The following BRIP1 variants were observed in gnomAD, a reference collection of about 807,000 sequenced individuals.
BRIP1 encodes Fanconi anemia group J protein.
A neutral mutation model predicts 119.7 loss-of-function variants in BRIP1; 88 were observed. The observed-to-expected ratio is 0.74, with a 90% CI of 0.62 to 0.88. The LOEUF (loss-of-function observed/expected upper bound fraction) is 0.88. Among genes scored for constraint, BRIP1 ranks in the 40% least tolerant of loss-of-function variants. BRIP1 has a pLI of 0.00. For synonymous variants in BRIP1, 443 were observed against 496.5 expected (o/e 0.89, Z 1.43); for missense variants, 1,259 against 1,455.4 (o/e 0.87, Z 2.20).
rs1567781239 is a variant in BRIP1 at position 61,744,477 on chromosome 17, A to G, written c.2212T>C (p.Leu738=). 1 of 1,613,960 alleles carries G rather than the reference A, an allele frequency of 6.2e-7. No individual in the cohort carries two copies. The highest frequency in any genetic ancestry group is 2.2e-5 in the East Asian group (1 of 44,832). The change falls in exon 15 of 20, where the codon TTA becomes CTA. Residue 738 remains leucine (L), a synonymous_variant. Transcript: ENST00000259008. The surrounding 1 kb of genome is among the most constrained non-coding windows in gnomAD (Gnocchi z 5.0). ...ATTGCGTCATAGTACACCTGCAGTA[A>G]TTCATCAAAATTTGTTTTTTCTCCT... ...QGGEKTNFDE[L]LQVYYDAIKY...
At position 61,699,020 on chromosome 17, in the gene BRIP1, A is replaced by C. The variant is rs2061571285; in HGVS notation, c.2493-5508T>G. Reference sequence around the variant, plus strand: ...GCAGAATGGCACTTTTATCATTATAAAATGTTAATTGTTTCTATTAACTTT... The same window carrying C: ...GCAGAATGGCACTTTTATCATTATACAATGTTAATTGTTTCTATTAACTTT... On this transcript the variant is annotated intron_variant, in intron 17 of 19. Coordinates refer to ENST00000259008, the MANE Select transcript of BRIP1 (RefSeq NM_032043.3). This position sits in a 1 kb window ranked among gnomAD's most constrained non-coding sequence, Gnocchi z 4.8. Among the ~76,000 whole-genome samples, 1 of 152,156 alleles carries C rather than the reference A, an allele frequency of 6.6e-6. No individual in the cohort carries two copies. The highest frequency in any genetic ancestry group is 6.6e-5 in the Admixed American group (1 of 15,254).
At position 61,778,046 on chromosome 17, in the gene BRIP1, C is replaced by G. The variant is rs575362578; in HGVS notation, c.1936-1484G>C. ...TTCTAAGGATTTTAGGAGTTGTATGCCAGGAAATGGAGTGGAAGACCAAAT... is the reference window on the plus strand; with the variant it reads ...TTCTAAGGATTTTAGGAGTTGTATGGCAGGAAATGGAGTGGAAGACCAAAT... On this transcript the variant is annotated intron_variant, in intron 13 of 19. Coordinates refer to ENST00000259008, the MANE Select transcript of BRIP1 (RefSeq NM_032043.3). The surrounding 1 kb of genome is among the most constrained non-coding windows in gnomAD (Gnocchi z 4.4). Among the ~76,000 whole-genome samples, 1 of 152,128 alleles carries G rather than the reference C, an allele frequency of 6.6e-6. No homozygotes were observed. Among genetic ancestry groups the G allele is most frequent in the South Asian group, 2.1e-4 (1 of 4,816 alleles).
chr17:61,833,587 C>T (rs982599498), intron 6 of BRIP1, among the ~76,000 whole-genome samples: 13 of 151,324 alleles, frequency 8.6e-5, no homozygotes, highest in Non-Finnish European at 1.3e-4. Context: ...AGGAGAATTG[C>T]TTGAACCCAG....
Position 61,699,025 on chromosome 17 carries a change from T to C in BRIP1, c.2493-5513A>G, listed in dbSNP as rs1423792647. Among the ~76,000 whole-genome samples, 4 of 152,182 alleles carry C rather than the reference T, an allele frequency of 2.6e-5. No homozygotes were observed. The highest frequency in any genetic ancestry group is 5.9e-5 in the Non-Finnish European group (4 of 68,030). On this transcript the variant is annotated intron_variant, in intron 17 of 19. Transcript: ENST00000259008. This position sits in a 1 kb window ranked among gnomAD's most constrained non-coding sequence, Gnocchi z 4.8. ...ATGGCACTTTTATCATTATAAAATG[T>C]TAATTGTTTCTATTAACTTTTTTTT...
rs986894753 is a variant in BRIP1 at position 61,742,656 on chromosome 17, T to C, written c.2379+357A>G. On this transcript the variant is annotated intron_variant, in intron 16 of 19. Transcript: ENST00000259008. This position sits in a 1 kb window ranked among gnomAD's most constrained non-coding sequence, Gnocchi z 4.7. ...TAGTCAGTGGAGCAGTTAGAATACA[T>C]ACATCACTTATGAATTACGTTTGCT... Among the ~76,000 whole-genome samples, 3 of 152,176 alleles carry C rather than the reference T, an allele frequency of 2.0e-5. No individual in the cohort carries two copies. Among genetic ancestry groups the C allele is most frequent in the African/African-American group, 4.8e-5 (2 of 41,432 alleles).
At position 61,700,825 on chromosome 17, in the gene BRIP1, T is replaced by C. The variant is rs1320331471; in HGVS notation, c.2493-7313A>G. On this transcript the variant is annotated intron_variant, in intron 17 of 19. Transcript: ENST00000259008. The surrounding 1 kb of genome is among the most constrained non-coding windows in gnomAD (Gnocchi z 4.1). ...GAGGTTTTACAGGTCTCTGAGATTA[T>C]GCTAGTTGTTCTTCATTCTTTTTCT... Among the ~76,000 whole-genome samples the C allele has an allele frequency of 6.6e-6, 1 of 152,226 alleles. No homozygotes were observed. Among genetic ancestry groups the C allele is most frequent in the Non-Finnish European group, 1.5e-5 (1 of 68,042 alleles).
In BRIP1 at chr17:61,789,175, G is replaced by A. The variant is rs2077778217; in HGVS notation, c.1473+4422C>T. The stretch of plus-strand genomic sequence containing the variant: ...CCAGCTACTGAGCAGGCTATGGCAG[G>A]AGGATCCCTTAAGACCAGAAATCCA... On this transcript the variant is annotated intron_variant, in intron 10 of 19. Transcript: ENST00000259008. The surrounding 1 kb of genome is among the most constrained non-coding windows in gnomAD (Gnocchi z 4.8). 6.6e-6 allele frequency among the ~76,000 whole-genome samples: 1 copy of A among 151,944 alleles called. No homozygotes were observed. Among genetic ancestry groups the A allele is most frequent in the Admixed American group, 6.6e-5 (1 of 15,244 alleles).
intron 10 of BRIP1, among the ~76,000 whole-genome samples, chr17:61,786,825 TATTTTATATA>T (rs1358376110): frequency 7.8e-6 from 1 of 127,994 alleles, no homozygotes; most frequent in Non-Finnish European, 1.6e-5. Flanking sequence ...TATATAAATA[TATTTTATATA>T]ATATATTTAT....
rs1282322696 is a variant in BRIP1 at position 61,757,297 on chromosome 17, C to T, written c.2098-12706G>A. ...CAGCTTCCTGTTTGGTGATATTTGA[C>T]TCAGCACTTTCACCTCAAGAGGCTG... On this transcript the variant is annotated intron_variant, in intron 14 of 19. Coordinates refer to ENST00000259008, the MANE Select transcript of BRIP1 (RefSeq NM_032043.3). The surrounding 1 kb of genome is among the most constrained non-coding windows in gnomAD (Gnocchi z 4.3). Among the ~76,000 whole-genome samples the T allele has an allele frequency of 6.6e-6, 1 of 152,156 alleles. No homozygotes were observed. The highest frequency in any genetic ancestry group is 1.5e-5 in the Non-Finnish European group (1 of 68,032).
chr17:61,698,864 G>A (rs1002465334), intron 17 of BRIP1, among the ~76,000 whole-genome samples: 3 of 151,758 alleles, frequency 2.0e-5, no homozygotes, highest in South Asian at 2.1e-4. Flanking sequence ...ATAGGCACAT[G>A]CCACTACACC....
intron 14 of BRIP1, among the ~76,000 whole-genome samples, chr17:61,766,560 C>T (rs957681228): frequency 1.2e-4 from 18 of 152,084 alleles, no homozygotes; most frequent in African/African-American, 3.1e-4. Context: ...AGGTTAAGTG[C>T]GGTACAGCTT....
At chr17:61,728,692 C>G (rs1343897862) in intron 16 of BRIP1, among the ~76,000 whole-genome samples, 3 of 152,116 alleles carry the variant, frequency 2.0e-5, no homozygotes, top group Non-Finnish European at 4.4e-5. Context: ...GGCAATCCAT[C>G]ACAGAAGACA....
In BRIP1 at chr17:61,739,352, G is replaced by C. The variant is rs2076958211; in HGVS notation, c.2379+3661C>G. The C allele has an allele frequency of 5.1e-6, 1 of 197,218 alleles. No homozygotes were observed. The highest frequency in any genetic ancestry group is 2.3e-5 in the African/African-American group (1 of 43,250). The allele number at this position is 197,218 out of a possible 1,614,324, so 12.2% of individuals were successfully genotyped here. A position where few individuals can be genotyped will look rare whatever the true frequency, so the allele number is the denominator to read the frequency against. On this transcript the variant is annotated intron_variant, in intron 16 of 19. Coordinates refer to ENST00000259008, the MANE Select transcript of BRIP1 (RefSeq NM_032043.3). This position sits in a 1 kb window ranked among gnomAD's most constrained non-coding sequence, Gnocchi z 6.0. ...AGTCAAGGCAGCATCAGCCATTTTAGAATAGGAGACCCAGCTTTGGGCATA... is the reference window on the plus strand; with the variant it reads ...AGTCAAGGCAGCATCAGCCATTTTACAATAGGAGACCCAGCTTTGGGCATA...
rs909733073 is a variant in BRIP1 at position 61,851,273 on chromosome 17, G to C, written c.380-2017C>G. On this transcript the variant is annotated intron_variant, in intron 4 of 19. Transcript: ENST00000259008. The surrounding 1 kb of genome is among the most constrained non-coding windows in gnomAD (Gnocchi z 4.6). ...ATGTTGCTTAAAATTTCCAAAATAG[G>C]GATGAAAGACCCAGAACTTCCCTGA... is the stretch of plus-strand genomic sequence containing the variant. Among the ~76,000 whole-genome samples, 5 of 151,862 alleles carry C rather than the reference G, an allele frequency of 3.3e-5. No individual in the cohort carries two copies. The highest frequency in any genetic ancestry group is 1.2e-4 in the African/African-American group (5 of 41,318).
rs534902398 is a variant in BRIP1, at chr17:61,748,147, T to C, written c.2098-3556A>G. ...TGGCAGGTGAGTGAGCATTACTGCCTGAGCTCAGTCTCCTGTCAGATCAGC... is the reference window on the plus strand; with the variant it reads ...TGGCAGGTGAGTGAGCATTACTGCCCGAGCTCAGTCTCCTGTCAGATCAGC... On this transcript the variant is annotated intron_variant, in intron 14 of 19. Coordinates refer to ENST00000259008, the MANE Select transcript of BRIP1 (RefSeq NM_032043.3). The surrounding 1 kb of genome is among the most constrained non-coding windows in gnomAD (Gnocchi z 4.7). Among the ~76,000 whole-genome samples the C allele has an allele frequency of 3.9e-5, 6 of 152,330 alleles. No homozygotes were observed. The South Asian group carries it at 1.2e-3, about 32-fold the overall frequency.
rs2076960777 is a variant in BRIP1, at chr17:61,739,579, T to C, written c.2379+3434A>G. Among the ~76,000 whole-genome samples, 1 of 152,208 alleles carries C rather than the reference T, an allele frequency of 6.6e-6. No individual in the cohort carries two copies. Among genetic ancestry groups the C allele is most frequent in the Non-Finnish European group, 1.5e-5 (1 of 68,034 alleles). ...GAAATACTGCTTATTACTGTTAATG[T>C]TACCTAAAGACTGCTACGGACTAGA... On this transcript the variant is annotated intron_variant, in intron 16 of 19. Coordinates refer to ENST00000259008, the MANE Select transcript of BRIP1 (RefSeq NM_032043.3). The surrounding 1 kb of genome is among the most constrained non-coding windows in gnomAD (Gnocchi z 6.0).
rs974533150 is a variant in BRIP1 at position 61,846,384 on chromosome 17, ATT to A, written c.627+715_627+716del. On this transcript the variant is annotated intron_variant, in intron 6 of 19. Coordinates refer to ENST00000259008, the MANE Select transcript of BRIP1 (RefSeq NM_032043.3). This position sits in a 1 kb window ranked among gnomAD's most constrained non-coding sequence, Gnocchi z 4.3. ...AAGACAATCCAAAAGGCAATAATGT[ATT>A]TTTTCCTTTTTTTTTTTGAGACGGG... Among the ~76,000 whole-genome samples, 2 of 150,696 alleles carry A rather than the reference ATT, an allele frequency of 1.3e-5. No individual in the cohort carries two copies. The highest frequency in any genetic ancestry group is 4.9e-5 in the African/African-American group (2 of 41,006).
At chr17:61,721,428 C>T (rs2061973205) in intron 16 of BRIP1, among the ~76,000 whole-genome samples, 1 of 151,852 alleles carries the variant, frequency 6.6e-6, no homozygotes, top group Admixed American at 6.6e-5. Context: ...TGCCACCACG[C>T]CCAGCTAATT....
In BRIP1 at chr17:61,695,654, A is replaced by G. The variant is rs2061509556; in HGVS notation, c.2493-2142T>C. ...TCCATTTATTTAGAATTTTCTTTCA[A>G]TAATGTCTTGCAGTTTTCAGTATAC... is the stretch of plus-strand genomic sequence containing the variant. On this transcript the variant is annotated intron_variant, in intron 17 of 19. Transcript: ENST00000259008. The surrounding 1 kb of genome is among the most constrained non-coding windows in gnomAD (Gnocchi z 4.3). 6.6e-6 allele frequency among the ~76,000 whole-genome samples: 1 copy of G among 152,096 alleles called. No individual in the cohort carries two copies. The highest frequency in any genetic ancestry group is 1.5e-5 in the Non-Finnish European group (1 of 67,996).
Sources: gnomAD v4.1 joint callset for allele counts (sites outside exome capture counted in the v4.1 genomes callset) on GRCh38, gnomAD v4.1.1 for gene constraint, Gnocchi (gnomAD v3.1) non-coding constraint, MANE v1.5 for transcripts, NCBI Gene and HGNC (gene_info 2026-07-23, HGNC 2026-07-21) for gene names.